Variants in PRKDC observed in about 807,000 individuals in gnomAD.
PRKDC encodes the protein protein kinase, DNA-activated, catalytic subunit, also known as DNA-dependent protein kinase catalytic subunit.
Under a neutral mutation model 486.9 loss-of-function variants are expected in PRKDC, and 82 were observed. That is an observed-to-expected ratio of 0.17 (90% CI 0.14 to 0.20). The LOEUF (loss-of-function observed/expected upper bound fraction) is 0.20. Ranked by LOEUF, PRKDC falls within the 10% of genes least tolerant of loss-of-function variation. The pLI is 1.00. For missense variants in PRKDC, 4,504 were observed against 5,038.2 expected, an observed-to-expected ratio of 0.89 and a Z score of 3.21; for synonymous variants, 1,895 against 1,837.0, an observed-to-expected ratio of 1.03 and a Z score of -0.81.
At position 47,830,680 on chromosome 8, in the gene PRKDC, G is replaced by C. The variant is rs2087845626; in HGVS notation, c.8322C>G (p.Ser2774Arg). 6.2e-7 allele frequency: 1 copy of C among 1,613,960 alleles called. No homozygotes were observed. Among genetic ancestry groups the C allele is most frequent in the East Asian group, 2.2e-5 (1 of 44,870 alleles). Residue 2774 changes from serine to arginine, a missense_variant, in exon 61 of 86, where the codon AGC (serine) becomes AGG (arginine). Physicochemically the swap from Ser to Arg is moderately radical, Grantham distance 110. Coordinates refer to ENST00000314191, the MANE Select transcript of PRKDC (RefSeq NM_006904.7). ...TGTCAGGAAGGTCTCCGTGCCGGTA[G>C]CTTCTGTACAGAACGACCTGGGCAT... ...KQDAQVVLYR[S>R]YRHGDLPDIQ... is the part of the protein sequence containing the mutation.
intron 54 of PRKDC, among the ~76,000 whole-genome samples, chr8:47,841,859 G>C (rs2088154046): frequency 6.6e-6 from 1 of 152,162 alleles, no homozygotes; most frequent in African/African-American, 2.4e-5. Flanking sequence ...CTAGCTACAA[G>C]GGCAGACACC....
In PRKDC at chr8:47,820,916, T is replaced by C. The variant is rs545077302; in HGVS notation, c.9139A>G (p.Ser3047Gly). ...QETYLPYMIRSKLKLLLQGEA... is the reference protein window; with the variant it reads ...QETYLPYMIRGKLKLLLQGEA... ...CCCTGGAGCAGCAGCTTCAGCTTGC[T>C]GCGGATCATGTAAGGTAGATATGTT... The change falls in exon 66 of 86, where the codon AGC becomes GGC. Residue 3047 changes from serine (S) to glycine (G), a missense_variant. Ser to Gly is a moderately conservative substitution (Grantham distance 56). Around this residue, in one of 6 missense-constraint regions of PRKDC, gnomAD observed 1,592 missense variants for 1,724.6 expected, o/e 0.92. Transcript: ENST00000314191. The C allele has an allele frequency of 5.0e-6, 8 of 1,606,200 alleles. No homozygotes were observed. The South Asian group carries it at 7.8e-5, about 16-fold the overall frequency.
chr8:47,860,097 T>C (rs1260592038), intron 45 of PRKDC, among the ~76,000 whole-genome samples: 1 of 152,162 alleles, frequency 6.6e-6, no homozygotes, highest in Non-Finnish European at 1.5e-5. Flanking sequence ...TGGGAAGAAA[T>C]ACCACTGAAA....
chr8:47,904,654 A>C (rs2089741503), intron 26 of PRKDC, among the ~76,000 whole-genome samples: 1 of 152,188 alleles, frequency 6.6e-6, no homozygotes, highest in Non-Finnish European at 1.5e-5. Flanking sequence ...TTAGGCAGGC[A>C]TGGTGGTGTG....
intron 11 of PRKDC, among the ~76,000 whole-genome samples, chr8:47,939,116 A>G (rs1052500665): frequency 1.3e-5 from 2 of 152,190 alleles, no homozygotes; most frequent in Non-Finnish European, 2.9e-5. Flanking sequence ...AGTAATACTG[A>G]GCTCCTAAGG....
chr8:47,923,034 C>CAAGG, intron 21 of PRKDC, among the ~76,000 whole-genome samples: 1 of 151,634 alleles, frequency 6.6e-6, no homozygotes, highest in African/African-American at 2.4e-5. Context: ...GTTTACTGAT[C>CAAGG]AAGGACTTTG....
At chr8:47,822,516 A>T (rs909924899) in intron 64 of PRKDC, among the ~76,000 whole-genome samples, 1 of 152,078 alleles carries the variant, frequency 6.6e-6, no homozygotes, top group African/African-American at 2.4e-5. Flanking sequence ...CTCGGCTGGG[A>T]GCGGTGGCTC....
chr8:47,911,395 T>G (rs1165848924), intron 25 of PRKDC, among the ~76,000 whole-genome samples: 2 of 152,248 alleles, frequency 1.3e-5, no homozygotes, highest in Non-Finnish European at 2.9e-5. Context: ...AAACATCATG[T>G]GAAACTACTC....
chr8:47,814,725 A>G (rs2087405978), intron 68 of PRKDC, among the ~76,000 whole-genome samples: 1 of 152,222 alleles, frequency 6.6e-6, no homozygotes, highest in Admixed American at 6.5e-5. Context: ...ATAACTCTAT[A>G]TTGTTAAGAT....
At chr8:47,933,254 A>T in intron 15 of PRKDC, 82 bp from the exon 16 acceptor site, 18 of 1,094,832 alleles carry the variant, frequency 1.6e-5, no homozygotes, top group Non-Finnish European at 2.1e-5. Flanking sequence ...ACACATACAC[A>T]GATGTATGTG....
rs903488033 is a variant in PRKDC at position 47,935,128 on chromosome 8, A to C, written c.1448-70T>G. 37 of 1,100,104 alleles carry C rather than the reference A, an allele frequency of 3.4e-5. No individual in the cohort carries two copies. In the African/African-American group the frequency reaches 4.5e-4, roughly 13 times the overall value. The allele number at this position is 1,100,104 out of a possible 1,614,324, so 68.1% of individuals were successfully genotyped here. ...ACAGAATCAAAACTCACAAAAAAAA[A>C]CAAACAGTCATTATATTTTGGAACC... is the stretch of plus-strand genomic sequence containing the variant. On this transcript the variant is annotated intron_variant, in intron 13 of 85. Coordinates refer to ENST00000314191, the MANE Select transcript of PRKDC (RefSeq NM_006904.7).
intron 52 of PRKDC, among the ~76,000 whole-genome samples, chr8:47,851,006 C>T (rs2088391065): frequency 6.6e-6 from 1 of 152,142 alleles, no homozygotes; most frequent in Non-Finnish European, 1.5e-5. Context: ...GGCAGGGTTT[C>T]ACTATGTTGG....
At chr8:47,947,623 T>A (rs1322829705) in intron 7 of PRKDC, among the ~76,000 whole-genome samples, 3 of 152,018 alleles carry the variant, frequency 2.0e-5, no homozygotes, top group African/African-American at 7.2e-5. Flanking sequence ...CAAAAATTAG[T>A]TGGGGCCGGG....
intron 7 of PRKDC, among the ~76,000 whole-genome samples, chr8:47,945,634 G>T (rs950869702): frequency 6.6e-6 from 1 of 152,130 alleles, no homozygotes; most frequent in Non-Finnish European, 1.5e-5. Flanking sequence ...GCCATATTTT[G>T]CTTATCCATT....
chr8:47,854,055 C>A (rs1344953940), intron 51 of PRKDC, 28 bp downstream of exon 51: 2 of 1,612,118 alleles, frequency 1.2e-6, no homozygotes, highest in Admixed American at 3.3e-5. Context: ...GTAGACGTGA[C>A]CTAAAAAATA....
At chr8:47,900,274 A>G (rs559688519) in intron 28 of PRKDC, 99 bp downstream of exon 28, 28 of 695,080 alleles carry the variant, frequency 4.0e-5, no homozygotes, top group Middle Eastern at 2.7e-4. Context: ...AACTCTTGGG[A>G]AAAAAAAAAC....
At chr8:47,780,581 A>C (rs368019051) in intron 80 of PRKDC, among the ~76,000 whole-genome samples, 52 of 152,362 alleles carry the variant, frequency 3.4e-4, no homozygotes, top group African/African-American at 1.1e-3. Flanking sequence ...GTTAGCTTTA[A>C]AAGTAGTCCA....
intron 25 of PRKDC, among the ~76,000 whole-genome samples, chr8:47,907,533 C>CTTT (rs1028272336): frequency 3.0e-5 from 4 of 133,110 alleles, no homozygotes; most frequent in Non-Finnish European, 6.5e-5. Context: ...ATTTATATAC[C>CTTT]TTTTTTTTTT....
chr8:47,853,690 T>G (rs1419485975), intron 51 of PRKDC, among the ~76,000 whole-genome samples: 1 of 152,106 alleles, frequency 6.6e-6, no homozygotes, highest in East Asian at 1.9e-4. Context: ...GAATATCAGT[T>G]TAGAAAATAA....
Sources: allele counts gnomAD v4.1 joint callset (sites outside exome capture counted in the v4.1 genomes callset), GRCh38; gene constraint gnomAD v4.1.1; regional missense constraint gnomAD v4.1.1; transcripts MANE v1.5; gene names NCBI Gene and HGNC (gene_info 2026-07-23, HGNC 2026-07-21).